The following PCDH11X variants were observed in gnomAD, a reference collection of about 807,000 sequenced individuals.
The protein encoded by PCDH11X is protocadherin-11 X-linked.
Under a neutral mutation model 53.3 loss-of-function variants are expected in PCDH11X, and 18 were observed. The ratio of observed to expected loss-of-function variants is 0.34; its 90% CI spans 0.23 to 0.50. The LOEUF is 0.50. Among genes scored for constraint, PCDH11X ranks in the 20% least tolerant of loss-of-function variants. PCDH11X has a pLI of 0.98. For synonymous variants in PCDH11X, 279 were observed against 393.3 expected (o/e 0.71, Z 3.44); for missense variants, 570 against 1,032.4 (o/e 0.55, Z 6.14).
chrX:92,495,208 T>A (rs1307380929), intron 10 of PCDH11X, among the ~76,000 whole-genome samples: 1 of 111,315 alleles, frequency 9.0e-6, no homozygotes, highest in East Asian at 2.8e-4. Flanking sequence ...CCTCCATAAA[T>A]CTGCATACCG....
chrX:91,838,082 G>A (rs1248864047), intron 5 of PCDH11X, among the ~76,000 whole-genome samples: 1 of 111,753 alleles, frequency 8.9e-6, no homozygotes, highest in African/African-American at 3.2e-5. Flanking sequence ...TGACAAATGT[G>A]TTGTTTTAAA....
Position 92,289,297 on chromosome X carries a change from C to T in PCDH11X, c.3144+26154C>T, listed in dbSNP as rs1340101439. Among the ~76,000 whole-genome samples the T allele has an allele frequency of 3.6e-5, 4 of 111,101 alleles. No homozygotes were observed. The East Asian group carries it at 8.5e-4, about 24-fold the overall frequency. On this transcript the variant is annotated intron_variant, in intron 8 of 10. Coordinates refer to ENST00000682573, the MANE Select transcript of PCDH11X (RefSeq NM_032968.5). ...ATTGGAATCATATATCTACTGTCTT[C>T]TCAATAGACGCAATATACAGCACAC...
intron 6 of PCDH11X, among the ~76,000 whole-genome samples, chrX:91,926,076 GCA>G (rs4022270): frequency 0.21 from 17,593 of 82,986 alleles, 1,579 homozygotes; most frequent in East Asian, 0.26. Flanking sequence ...ACACAAACAC[GCA>G]CACACACACA....
Position 92,071,676 on chromosome X carries a change from T to C in PCDH11X, c.3034-129699T>C, listed in dbSNP as rs192582474. Among the ~76,000 whole-genome samples the C allele has an allele frequency of 2.8e-4, 31 of 111,517 alleles. No individual in the cohort carries two copies. The East Asian group carries it at 8.0e-3, about 29-fold the overall frequency. On this transcript the variant is annotated intron_variant, in intron 6 of 10. Transcript: ENST00000682573. ...TAATGCTGTGGTTCTTGCAGACTCATAGAGGTACCTCTTTGGTAGTCTTGG... is the reference window on the plus strand; with the variant it reads ...TAATGCTGTGGTTCTTGCAGACTCACAGAGGTACCTCTTTGGTAGTCTTGG...
rs1162998590 is a variant in PCDH11X at position 92,575,944 on chromosome X, T to TAC, written c.3368-42295_3368-42294dup. On this transcript the variant is annotated intron_variant, in intron 10 of 10. Transcript: ENST00000682573. ...ATATATATATATATATATATATATA[T>TAC]ACACACACACACACACACACACACA... 3.5e-3 allele frequency among the ~76,000 whole-genome samples: 70 copies of TAC among 19,892 alleles called. 1 individual carries two copies. The highest frequency in any genetic ancestry group is 3.0e-3 in the Non-Finnish European group (36 of 12,166). The allele number at this position is 19,892 out of a possible 115,157, so 17.3% of individuals were successfully genotyped here. A position where few individuals can be genotyped will look rare whatever the true frequency, so the allele number is the denominator to read the frequency against.
At chrX:91,892,085 C>G (rs1940516461) in intron 6 of PCDH11X, among the ~76,000 whole-genome samples, 1 of 104,765 alleles carries the variant, frequency 9.5e-6, no homozygotes, top group African/African-American at 3.5e-5. Flanking sequence ...AACCACCTCC[C>G]AAGTATGTAT....
In PCDH11X at chrX:92,303,242, G is replaced by A. The variant is rs1490046942; in HGVS notation, c.3144+40099G>A. Among the ~76,000 whole-genome samples, 7 of 111,052 alleles carry A rather than the reference G, an allele frequency of 6.3e-5. No homozygotes were observed. The East Asian group carries it at 2.0e-3, about 32-fold the overall frequency. ...AGAGGAAGAAGATAACAGCTCCATGGGTGAAATTCTGTCACAATATACTTT... is the reference window on the plus strand; with the variant it reads ...AGAGGAAGAAGATAACAGCTCCATGAGTGAAATTCTGTCACAATATACTTT... On this transcript the variant is annotated intron_variant, in intron 8 of 10. Coordinates refer to ENST00000682573, the MANE Select transcript of PCDH11X (RefSeq NM_032968.5).
At chrX:92,103,421 C>G (rs1375447838) in intron 6 of PCDH11X, among the ~76,000 whole-genome samples, 8 of 110,525 alleles carry the variant, frequency 7.2e-5, no homozygotes, top group Admixed American at 1.9e-4. Flanking sequence ...AAGAAGGGGA[C>G]GGGCTTACCC....
chrX:92,275,142 G>T (rs1401426864), intron 8 of PCDH11X, among the ~76,000 whole-genome samples: 1 of 100,529 alleles, frequency 9.9e-6, no homozygotes, highest in African/African-American at 3.6e-5. Context: ...TATTAAAGCA[G>T]TGGCAGCCTC....
chrX:92,545,528 A>G (rs2074838108), intron 10 of PCDH11X, among the ~76,000 whole-genome samples: 1 of 106,274 alleles, frequency 9.4e-6, no homozygotes, highest in African/African-American at 3.5e-5. Context: ...CAGGCTCCTG[A>G]GCAGCTGGGA....
intron 6 of PCDH11X, among the ~76,000 whole-genome samples, chrX:92,101,727 C>A (rs913714474): frequency 9.1e-6 from 1 of 110,043 alleles, no homozygotes; most frequent in African/African-American, 3.3e-5. Flanking sequence ...ATTTTAGTTT[C>A]CTGACTCGGG....
chrX:92,433,294 A>G (rs987416142), intron 9 of PCDH11X, among the ~76,000 whole-genome samples: 7 of 110,745 alleles, frequency 6.3e-5, no homozygotes, highest in Admixed American at 1.9e-4. Context: ...TAGTGAGGAA[A>G]TGAATAGTTA....
intron 6 of PCDH11X, among the ~76,000 whole-genome samples, chrX:91,944,023 TTGTGTGTGTGTGTGTGTGTGTGTG>T (rs755497548): frequency 1.6e-5 from 1 of 63,949 alleles, no homozygotes. Flanking sequence ...ATCTCCTGGA[TTGTGTGTGTGTGTGTGTGTGTGTG>T]TGTGTGTGTG....
chrX:91,850,024 A>G (rs998310501), intron 5 of PCDH11X, among the ~76,000 whole-genome samples: 18 of 106,784 alleles, frequency 1.7e-4, no homozygotes, highest in Admixed American at 1.0e-4. Flanking sequence ...AGAATTATTC[A>G]TAGGATTAGA....
intron 6 of PCDH11X, among the ~76,000 whole-genome samples, chrX:92,066,652 A>G (rs1271812687): frequency 8.9e-6 from 1 of 111,818 alleles, no homozygotes; most frequent in Non-Finnish European, 1.9e-5. Context: ...CTGTTCGCAT[A>G]TAGAAATACT....
chrX:92,547,987 A>G (rs199544250), intron 10 of PCDH11X, among the ~76,000 whole-genome samples: 3 of 110,001 alleles, frequency 2.7e-5, no homozygotes, highest in East Asian at 2.8e-4. Flanking sequence ...TAAAGTGTCA[A>G]TAGCTTCAAT....
At chrX:92,539,974 C>T (rs1221219280) in intron 10 of PCDH11X, among the ~76,000 whole-genome samples, 2 of 111,288 alleles carry the variant, frequency 1.8e-5, no homozygotes, top group Non-Finnish European at 3.8e-5. Flanking sequence ...ACCATGGGGT[C>T]ACCACCACTG....
At chrX:92,473,271 C>T (rs1016961002) in intron 10 of PCDH11X, among the ~76,000 whole-genome samples, 34 of 109,474 alleles carry the variant, frequency 3.1e-4, no homozygotes, top group Non-Finnish European at 5.3e-4. Flanking sequence ...GGCCATTAAT[C>T]ATCTTTTGAA....
At chrX:92,107,921 C>G (rs2064421461) in intron 6 of PCDH11X, among the ~76,000 whole-genome samples, 2 of 111,744 alleles carry the variant, frequency 1.8e-5, no homozygotes, top group South Asian at 7.6e-4. Context: ...TATAGGAAAT[C>G]ACTAGTCAAA....
Sources: gnomAD v4.1 joint callset for allele counts (sites outside exome capture counted in the v4.1 genomes callset) on GRCh38, gnomAD v4.1.1 for gene constraint, MANE v1.5 for transcripts, NCBI Gene and HGNC (gene_info 2026-07-23, HGNC 2026-07-21) for gene names.